TRHDE: variants seen among roughly 807,000 people sequenced by gnomAD.
TRHDE encodes thyrotropin-releasing hormone-degrading ectoenzyme.
TRHDE carries 72 observed loss-of-function variants against 125.7 expected under a neutral mutation model. The observed-to-expected ratio is 0.57, with a 90% CI of 0.47 to 0.70. TRHDE has a LOEUF of 0.70. Among genes scored for constraint, TRHDE ranks in the 30% least tolerant of loss-of-function variants. The pLI is 0.00. For missense variants in TRHDE, 1,110 were observed against 1,327.1 expected (o/e 0.84, Z 2.54); for synonymous variants, 509 against 509.1 (o/e 1.00, Z 0.00).
chr12:72,105,907 T>C (rs1477161027), intron 2 of TRHDE, among the ~76,000 whole-genome samples: 1 of 152,208 alleles, frequency 6.6e-6, no homozygotes, highest in African/African-American at 2.4e-5. Flanking sequence ...ACCATTCAAA[T>C]ATACCTCTCT....
Position 72,238,275 on chromosome 12 carries a change from AATATATATATATATATATATATAT to A in TRHDE, n.279+132547_279+132570del, listed in dbSNP as rs71071820. Among the ~76,000 whole-genome samples, 97 of 38,234 alleles carry A rather than the reference AATATATATATATATATATATATAT, an allele frequency of 2.5e-3. 5 individuals carry two copies. Among genetic ancestry groups the A allele is most frequent in the African/African-American group, 9.7e-3 (71 of 7,348 alleles). 25.1% of individuals were successfully genotyped at this position (38,234 alleles called of 152,430 possible). A position where few individuals can be genotyped will look rare whatever the true frequency, so the allele number is the denominator to read the frequency against. ...AGTGGTCAGAAGTGGTCAGATCCTT[AATATATATATATATATATATATAT>A]ATATATATATATATATATATATACA... is the stretch of plus-strand genomic sequence containing the variant. On this transcript the variant is annotated intron_variant and non_coding_transcript_variant, in intron 2 of 4. Coordinates refer to the TRHDE transcript ENST00000548156.
chr12:72,187,310 A>AACACACACACACACACACACACAC (rs59164233), intron 2 of TRHDE, among the ~76,000 whole-genome samples: 1 of 131,260 alleles, frequency 7.6e-6, no homozygotes, highest in African/African-American at 2.9e-5. Context: ...AGAGAAACAC[A>AACACACACACACACACACACACAC]ACACACACAC....
At chr12:72,157,051 C>A (rs1489336472) in intron 2 of TRHDE, among the ~76,000 whole-genome samples, 1 of 152,010 alleles carries the variant, frequency 6.6e-6, no homozygotes, top group Non-Finnish European at 1.5e-5. Context: ...TGAGCCAAGC[C>A]AATATCTGGG....
intron 3 of TRHDE, among the ~76,000 whole-genome samples, chr12:72,457,308 C>A (rs1042111157): frequency 3.3e-5 from 5 of 152,128 alleles, no homozygotes; most frequent in Admixed American, 3.3e-4. Flanking sequence ...ACTATGTCAT[C>A]ATATTTTCCA....
intron 12 of TRHDE, among the ~76,000 whole-genome samples, chr12:72,579,469 T>C (rs1871143719): frequency 6.6e-6 from 1 of 152,164 alleles, no homozygotes; most frequent in African/African-American, 2.4e-5. Context: ...AGCAAAGGTA[T>C]TTCCTACTAT....
At position 72,285,263 on chromosome 12, in the gene TRHDE, T is replaced by A. The variant is rs1229590584; in HGVS notation, c.915-1418T>A. On this transcript the variant is annotated intron_variant, in intron 1 of 18. Coordinates refer to ENST00000261180, the MANE Select transcript of TRHDE (RefSeq NM_013381.3). The stretch of plus-strand genomic sequence containing the variant: ...GCTGAGAATAATTTTGAGGCCAAGT[T>A]CGGGTTTGGTGGGAAAGTTGCCATG... 3.3e-5 allele frequency among the ~76,000 whole-genome samples: 5 copies of A among 152,084 alleles called. No individual in the cohort carries two copies. The South Asian group carries it at 1.0e-3, about 32-fold the overall frequency.
chr12:72,113,160 G>A (rs1314132963), intron 2 of TRHDE, among the ~76,000 whole-genome samples: 1 of 152,064 alleles, frequency 6.6e-6, no homozygotes, highest in Non-Finnish European at 1.5e-5. Context: ...TGGGACTACA[G>A]GTGCACATCA....
intron 6 of TRHDE, among the ~76,000 whole-genome samples, chr12:72,530,587 T>C (rs1868501322): frequency 1.3e-5 from 2 of 150,792 alleles, no homozygotes; most frequent in African/African-American, 4.9e-5. Context: ...TCTTGCTCTC[T>C]GTGGGAGCCT....
intron 2 of TRHDE, among the ~76,000 whole-genome samples, chr12:72,264,792 C>T (rs1380798879): frequency 6.6e-6 from 1 of 151,818 alleles, no homozygotes; most frequent in Non-Finnish European, 1.5e-5. Flanking sequence ...AAGTAAAGAT[C>T]ACAGGCAAGT....
intron 5 of TRHDE, among the ~76,000 whole-genome samples, chr12:72,495,185 AAT>A (rs1491560418): frequency 6.7e-6 from 1 of 148,724 alleles, no homozygotes; most frequent in Non-Finnish European, 1.5e-5. Context: ...ACATTGGTTG[AAT>A]TTTTTTCATT....
intron 3 of TRHDE, among the ~76,000 whole-genome samples, chr12:72,423,907 G>A (rs1439877622): frequency 6.6e-6 from 1 of 152,066 alleles, no homozygotes; most frequent in African/African-American, 2.4e-5. Flanking sequence ...CTTTGAAGAT[G>A]GAGGGGGAGG....
At chr12:72,339,513 T>C (rs188733961) in intron 2 of TRHDE, among the ~76,000 whole-genome samples, 23 of 152,290 alleles carry the variant, frequency 1.5e-4, no homozygotes, top group African/African-American at 5.1e-4. Context: ...AACGTCAGCA[T>C]AGAGCTGATA....
intron 2 of TRHDE, among the ~76,000 whole-genome samples, chr12:72,127,336 G>A (rs1481025349): frequency 1.3e-5 from 2 of 152,216 alleles, no homozygotes; most frequent in Middle Eastern, 3.4e-3. Context: ...CTATTACTAG[G>A]TATATGTCCA....
chr12:72,555,065 C>A lies in TRHDE; in HGVS notation c.1789-7100C>A, dbSNP rs76040852. Among the ~76,000 whole-genome samples, 335 of 152,304 alleles carry A rather than the reference C, an allele frequency of 2.2e-3. 2 individuals carry two copies. The highest frequency in any genetic ancestry group is 7.5e-3 in the African/African-American group (313 of 41,568). Reference sequence around the variant, plus strand: ...TGAGCTGGCAGGTTGTTTTGATTTACAATGTTGTGATGTTCTACTACATTT... The same window carrying A: ...TGAGCTGGCAGGTTGTTTTGATTTAAAATGTTGTGATGTTCTACTACATTT... On this transcript the variant is annotated intron_variant, in intron 7 of 18. Transcript: ENST00000261180.
chr12:72,578,984 G>GTTT lies in TRHDE; in HGVS notation c.2321+3454_2321+3456dup, dbSNP rs3081947. 4.3e-3 allele frequency among the ~76,000 whole-genome samples: 587 copies of GTTT among 135,926 alleles called. 10 individuals carry two copies. The highest frequency in any genetic ancestry group is 0.012 in the African/African-American group (433 of 36,940). 89.2% of individuals were successfully genotyped at this position (135,926 alleles called of 152,430 possible). ...TCTTTACACTTTCTTACTGTTTAGT[G>GTTT]TTTTTTTTTTTTTTATGAACAGAAA... On this transcript the variant is annotated intron_variant, in intron 12 of 18. Transcript: ENST00000261180.
At chr12:72,456,077 T>A (rs922764445) in intron 3 of TRHDE, among the ~76,000 whole-genome samples, 1 of 148,838 alleles carries the variant, frequency 6.7e-6, no homozygotes, top group South Asian at 2.1e-4. Flanking sequence ...TCATATATAC[T>A]CAGTATGTAT....
At chr12:72,262,904 A>T (rs1878982971) in intron 2 of TRHDE, 1 of 152,150 alleles carries the variant, frequency 6.6e-6, no homozygotes, top group Non-Finnish European at 1.5e-5. Context: ...TGAAACTGAA[A>T]ATGAAATTCT....
intron 6 of TRHDE, among the ~76,000 whole-genome samples, chr12:72,520,960 A>G (rs1464119288): frequency 6.6e-6 from 1 of 152,166 alleles, no homozygotes; most frequent in Admixed American, 6.5e-5. Context: ...ATATCATGCA[A>G]TTTAAACTTT....
chr12:72,575,645 A>T, intron 12 of TRHDE, 103 bp downstream of exon 12: 3 of 1,120,170 alleles, frequency 2.7e-6, no homozygotes, highest in Non-Finnish European at 2.6e-6. Flanking sequence ...ACATTTAAAA[A>T]AATCTATTTC....
Sources: gnomAD v4.1 joint callset for allele counts (sites outside exome capture counted in the v4.1 genomes callset) on GRCh38, gnomAD v4.1.1 for gene constraint, MANE v1.5 for transcripts, NCBI Gene and HGNC (gene_info 2026-07-23, HGNC 2026-07-21) for gene names.